CEP112: variants seen among roughly 807,000 people sequenced by gnomAD.
CEP112 encodes centrosomal protein of 112 kDa.
Under a neutral mutation model 153.0 loss-of-function variants are expected in CEP112, and 127 were observed. The ratio of observed to expected loss-of-function variants is 0.83; its 90% CI spans 0.72 to 0.96. CEP112 has a LOEUF of 0.96. CEP112 is among the 40% of genes least tolerant of loss of function. The pLI is 0.00. For synonymous variants in CEP112, 358 were observed against 374.4 expected (o/e 0.96, Z 0.51); for missense variants, 1,089 against 1,101.2 (o/e 0.99, Z 0.16).
chr17:65,970,800 C>G (rs554706230), intron 17 of CEP112, among the ~76,000 whole-genome samples: 1 of 152,124 alleles, frequency 6.6e-6, no homozygotes, highest in South Asian at 2.1e-4. Flanking sequence ...GTATATTGCA[C>G]ATGTGTATGG....
At chr17:66,103,802 A>T (rs2068665115) in intron 6 of CEP112, among the ~76,000 whole-genome samples, 1 of 152,172 alleles carries the variant, frequency 6.6e-6, no homozygotes, top group Non-Finnish European at 1.5e-5. Flanking sequence ...TGGCATGAAG[A>T]GAGAATCTGT....
At chr17:66,184,938 G>A (rs540672352) in intron 1 of CEP112, among the ~76,000 whole-genome samples, 141 of 152,100 alleles carry the variant, frequency 9.3e-4, no homozygotes, top group Middle Eastern at 3.4e-3. Context: ...CACAAAACAT[G>A]GAAACTTCAA....
intron 21 of CEP112, among the ~76,000 whole-genome samples, chr17:65,771,695 T>A: frequency 6.6e-6 from 1 of 152,092 alleles, no homozygotes; most frequent in Non-Finnish European, 1.5e-5. Context: ...AAGTAAAAGA[T>A]AGACATATAC....
Position 66,141,265 on chromosome 17 carries a change from A to C in CEP112, c.471-8502T>G, listed in dbSNP as rs1310278123. On this transcript the variant is annotated intron_variant, in intron 4 of 26. Transcript: ENST00000535342. ...TGTTTCCATTGTGATTTTCAGATTT[A>C]GTAATCATGTTTTTCAATTGTAAGC... Among the ~76,000 whole-genome samples, 4 of 151,830 alleles carry C rather than the reference A, an allele frequency of 2.6e-5. No individual in the cohort carries two copies. In the East Asian group the frequency reaches 7.7e-4, roughly 29 times the overall value.
intron 11 of CEP112, among the ~76,000 whole-genome samples, chr17:66,056,984 A>AAGATGAGG (rs1247288590): frequency 6.6e-6 from 1 of 152,236 alleles, no homozygotes; most frequent in Non-Finnish European, 1.5e-5. Flanking sequence ...ATTGTGAGAA[A>AAGATGAGG]AGATGAGGCT....
At chr17:65,677,944 G>A (rs1204129869) in intron 24 of CEP112, among the ~76,000 whole-genome samples, 3 of 152,018 alleles carry the variant, frequency 2.0e-5, no homozygotes, top group Admixed American at 6.6e-5. Flanking sequence ...ATAAATCTCT[G>A]CTTTTTCATT....
At position 65,833,189 on chromosome 17, in the gene CEP112, G is replaced by T. The variant is rs572264514; in HGVS notation, c.2394+18615C>A. Among the ~76,000 whole-genome samples the T allele has an allele frequency of 2.0e-5, 3 of 152,096 alleles. No homozygotes were observed. The South Asian group carries it at 6.2e-4, about 32-fold the overall frequency. On this transcript the variant is annotated intron_variant, in intron 21 of 26. Coordinates refer to ENST00000535342, the MANE Select transcript of CEP112 (RefSeq NM_001199165.4). ...ATGTTAAAAACTCTCGATAAACCAG[G>T]CATTAAAGGACCATACCTCAAAATA...
intron 17 of CEP112, among the ~76,000 whole-genome samples, chr17:65,986,199 C>T (rs578246918): frequency 1.3e-5 from 2 of 152,052 alleles, no homozygotes; most frequent in African/African-American, 2.4e-5. Context: ...ATCGCAAGAA[C>T]AGTAATAACT....
chr17:66,132,493 A>G (rs1289115820), intron 5 of CEP112, among the ~76,000 whole-genome samples, 177 bp downstream of exon 5: 1 of 152,210 alleles, frequency 6.6e-6, no homozygotes, highest in East Asian at 1.9e-4. Context: ...AGTAGAAGGG[A>G]TACTACACTA....
intron 24 of CEP112, among the ~76,000 whole-genome samples, chr17:65,684,305 GT>G (rs1462459184): frequency 2.6e-5 from 4 of 152,064 alleles, no homozygotes; most frequent in East Asian, 1.9e-4. Context: ...CTAAAGTATT[GT>G]TTTTTTCTCA....
chr17:65,952,224 A>G (rs916619864), intron 18 of CEP112, among the ~76,000 whole-genome samples: 1 of 152,140 alleles, frequency 6.6e-6, no homozygotes, highest in African/African-American at 2.4e-5. Context: ...AGACTTACCC[A>G]TAAGTGGCAT....
intron 17 of CEP112, among the ~76,000 whole-genome samples, chr17:65,985,979 T>G (rs982044644): frequency 6.6e-6 from 1 of 152,106 alleles, no homozygotes; most frequent in African/African-American, 2.4e-5. Context: ...AAAGTGATGA[T>G]GCTGACTTAT....
intron 18 of CEP112, 95 bp from the exon 19 acceptor site, chr17:65,927,784 A>G (rs956664141): frequency 6.7e-6 from 4 of 600,114 alleles, no homozygotes; most frequent in Non-Finnish European, 1.1e-5. Context: ...ACAGATTTTA[A>G]GCACCTCACC....
intron 18 of CEP112, among the ~76,000 whole-genome samples, chr17:65,949,165 T>C (rs2061737716): frequency 6.6e-6 from 1 of 152,222 alleles, no homozygotes; most frequent in Non-Finnish European, 1.5e-5. Context: ...GTTTGACATA[T>C]ATATTTTAAT....
rs762879948 is a variant in CEP112 at position 65,902,141 on chromosome 17, T to C, written c.2163+11A>G. ...CAGATACCCGTTTTATCAAATATTA[T>C]TGATAATTACCTGTGCATCTCGTTT... On this transcript the variant is annotated intron_variant, in intron 20 of 26. Transcript: ENST00000535342. 3 of 1,598,422 alleles carry C rather than the reference T, an allele frequency of 1.9e-6. No homozygotes were observed. Among genetic ancestry groups the C allele is most frequent in the Non-Finnish European group, 2.6e-6 (3 of 1,169,470 alleles).
intron 21 of CEP112, among the ~76,000 whole-genome samples, chr17:65,800,237 T>TC (rs1251860904): frequency 1.3e-5 from 2 of 152,162 alleles, no homozygotes; most frequent in African/African-American, 2.4e-5. Context: ...ATTTTTTTTT[T>TC]CACTACCCAA....
chr17:66,082,362 G>A (rs2146183040), intron 8 of CEP112, among the ~76,000 whole-genome samples: 1 of 152,358 alleles, frequency 6.6e-6, no homozygotes, highest in East Asian at 1.9e-4. Context: ...GTTTGTGAAT[G>A]ATAGGCTAAA....
In CEP112 at chr17:65,691,965, A is replaced by G. The variant is rs575040103; in HGVS notation, c.2608-2747T>C. Among the ~76,000 whole-genome samples the G allele has an allele frequency of 1.2e-4, 19 of 152,344 alleles. 1 individual carries two copies. The South Asian group carries it at 3.7e-3, about 30-fold the overall frequency. ...AGAGACAGCTCTCACTCCTTAGCAC[A>G]GCATACAAGGGGCTTCATCAACTGG... On this transcript the variant is annotated intron_variant, in intron 23 of 26. Coordinates refer to ENST00000535342, the MANE Select transcript of CEP112 (RefSeq NM_001199165.4).
chr17:66,065,481 A>G (rs2067080158), intron 10 of CEP112, among the ~76,000 whole-genome samples: 1 of 152,032 alleles, frequency 6.6e-6, no homozygotes, highest in Non-Finnish European at 1.5e-5. Context: ...TACTCCTCCC[A>G]AAACATGAGG....
Sources: allele counts gnomAD v4.1 joint callset (sites outside exome capture counted in the v4.1 genomes callset), GRCh38; gene constraint gnomAD v4.1.1; transcripts MANE v1.5; gene names NCBI Gene and HGNC (gene_info 2026-07-23, HGNC 2026-07-21).